PTPRN2: variants seen among roughly 807,000 people sequenced by gnomAD.
The protein encoded by PTPRN2 is receptor-type tyrosine-protein phosphatase N2.
A neutral mutation model predicts 118.8 loss-of-function variants in PTPRN2; 74 were observed. That is an observed-to-expected ratio of 0.62 (90% confidence interval 0.52 to 0.76). PTPRN2 has a LOEUF of 0.76. PTPRN2 is among the 30% of genes least tolerant of loss of function. The probability of loss-of-function intolerance (pLI) is 0.00; values close to 1 mark genes in which losing one functional copy is unlikely to be tolerated. For missense variants in PTPRN2, 1,481 were observed against 1,394.4 expected (o/e 1.06, Z -0.99); for synonymous variants, 641 against 608.0 (o/e 1.05, Z -0.80).
intron 6 of PTPRN2, among the ~76,000 whole-genome samples, chr7:158,142,944 C>T (rs552344687): frequency 1.3e-4 from 20 of 152,258 alleles, no homozygotes; most frequent in East Asian, 7.7e-4. Flanking sequence ...CCACAGCCCT[C>T]GGTGCTGTTT....
intron 4 of PTPRN2, among the ~76,000 whole-genome samples, chr7:158,197,557 T>A (rs1826304789): frequency 6.6e-6 from 1 of 152,232 alleles, no homozygotes; most frequent in African/African-American, 2.4e-5. Context: ...TTCTAGTGCC[T>A]TTTTGTATTA....
chr7:158,303,815 A>C, intron 3 of PTPRN2, among the ~76,000 whole-genome samples: 1 of 152,360 alleles, frequency 6.6e-6, no homozygotes, highest in East Asian at 1.9e-4. Context: ...AAGTTATTTT[A>C]ATATAACGTC....
chr7:158,294,623 G>C (rs938218293), intron 3 of PTPRN2, among the ~76,000 whole-genome samples: 2 of 152,164 alleles, frequency 1.3e-5, no homozygotes, highest in Non-Finnish European at 2.9e-5. Flanking sequence ...GAGAGGCAGG[G>C]CTGAGCCAGG....
At chr7:158,163,627 T>C (rs750127319) in intron 6 of PTPRN2, among the ~76,000 whole-genome samples, 12 of 149,828 alleles carry the variant, frequency 8.0e-5, no homozygotes. Flanking sequence ...TTCTCAATAT[T>C]CTCTGTATAT....
At chr7:157,856,051 A>T (rs1486975880) in intron 12 of PTPRN2, 1 of 152,202 alleles carries the variant, frequency 6.6e-6, no homozygotes, top group Non-Finnish European at 1.5e-5. Flanking sequence ...TTAACCGTGG[A>T]GTCTCCGTCC....
intron 12 of PTPRN2, among the ~76,000 whole-genome samples, chr7:157,753,984 TG>T (rs950666451): frequency 3.9e-5 from 6 of 152,202 alleles, no homozygotes; most frequent in African/African-American, 1.4e-4. Flanking sequence ...ACCCCATCCT[TG>T]GGAGGCCTTG....
intron 9 of PTPRN2, among the ~76,000 whole-genome samples, chr7:158,125,866 T>C (rs1428930771): frequency 1.3e-5 from 2 of 152,138 alleles, no homozygotes; most frequent in East Asian, 1.9e-4. Flanking sequence ...GCAGGAAGCA[T>C]CAGTCCGGAC....
intron 3 of PTPRN2, among the ~76,000 whole-genome samples, chr7:158,244,225 C>T (rs894754247): frequency 7.3e-6 from 1 of 136,660 alleles, no homozygotes; most frequent in African/African-American, 2.9e-5. Context: ...CAGCTAGCTC[C>T]TGCTTCTTCA....
At chr7:158,480,134 G>A (rs1820554168) in intron 2 of PTPRN2, among the ~76,000 whole-genome samples, 1 of 152,162 alleles carries the variant, frequency 6.6e-6, no homozygotes, top group South Asian at 2.1e-4. Flanking sequence ...CACGTCGCGG[G>A]GGTTGCGTCT....
At chr7:158,452,472 C>T (rs1818150272) in intron 2 of PTPRN2, among the ~76,000 whole-genome samples, 1 of 152,188 alleles carries the variant, frequency 6.6e-6, no homozygotes, top group South Asian at 2.1e-4. Flanking sequence ...CAAGGCCTTC[C>T]CCATTCTCCC....
intron 11 of PTPRN2, among the ~76,000 whole-genome samples, chr7:158,071,682 CTG>C (rs1811774345): frequency 2.5e-5 from 1 of 39,664 alleles, no homozygotes; most frequent in Non-Finnish European, 5.1e-5. Flanking sequence ...GGAGGTGCTC[CTG>C]GTGGAGGTGC....
At chr7:158,551,595 G>A (rs1826659774) in intron 1 of PTPRN2, among the ~76,000 whole-genome samples, 3 of 114,908 alleles carry the variant, frequency 2.6e-5, no homozygotes, top group East Asian at 3.7e-4. Context: ...GGGTTCTAAT[G>A]CATGCATTTG....
chr7:157,908,329 C>T (rs977293920), intron 11 of PTPRN2, among the ~76,000 whole-genome samples: 1 of 152,232 alleles, frequency 6.6e-6, no homozygotes, highest in Non-Finnish European at 1.5e-5. Context: ...TCTGTGGAAG[C>T]CACGTGTTGC....
chr7:158,374,554 T>G (rs1379189675), intron 2 of PTPRN2, among the ~76,000 whole-genome samples: 1 of 151,356 alleles, frequency 6.6e-6, no homozygotes, highest in Non-Finnish European at 1.5e-5. Flanking sequence ...CGCCAAAAAC[T>G]GAAGAAAGAA....
intron 1 of PTPRN2, among the ~76,000 whole-genome samples, chr7:158,513,981 C>T (rs1469988990): frequency 6.6e-6 from 1 of 152,026 alleles, no homozygotes; most frequent in Non-Finnish European, 1.5e-5. Context: ...ATTTTGAAGC[C>T]CTCTCACTAC....
rs1309405204 is a variant in PTPRN2 at position 157,861,349 on chromosome 7, A to C, written c.1788+37324T>G. 6.6e-6 allele frequency among the ~76,000 whole-genome samples: 1 copy of C among 152,236 alleles called. No individual in the cohort carries two copies. The highest frequency in any genetic ancestry group is 2.4e-5 in the African/African-American group (1 of 41,474). On this transcript the variant is annotated intron_variant, in intron 12 of 22. Coordinates refer to ENST00000389418, the MANE Select transcript of PTPRN2 (RefSeq NM_002847.5). This position sits in a 1 kb window ranked among gnomAD's most constrained non-coding sequence, Gnocchi z 5.8. ...AAGCACCTCCGGCTGGAGCTCGGCC[A>C]AGGAGCCCGGGTCCCTTCAGTCTGC...
intron 11 of PTPRN2, among the ~76,000 whole-genome samples, chr7:157,969,105 T>C (rs1802137675): frequency 6.7e-6 from 1 of 149,264 alleles, no homozygotes; most frequent in South Asian, 2.1e-4. Context: ...TCTTGCAATA[T>C]CCATGGCATC....
rs980296034 is a variant in PTPRN2, at chr7:158,144,996, G to A, written c.911-6481C>T. 1.4e-4 allele frequency among the ~76,000 whole-genome samples: 21 copies of A among 151,552 alleles called. 1 individual carries two copies. The highest frequency in any genetic ancestry group is 2.1e-4 in the Non-Finnish European group (14 of 67,958). ...AGAAGGTTCCAGAATACCACGGCTC[G>A]GCAAGACTTCCCTCACATCATCGCG... On this transcript the variant is annotated intron_variant, in intron 6 of 22. Transcript: ENST00000389418.
At chr7:157,542,057 C>T (rs1004395842) in intron 22 of PTPRN2, among the ~76,000 whole-genome samples, 3 of 152,198 alleles carry the variant, frequency 2.0e-5, no homozygotes, top group African/African-American at 7.2e-5. Context: ...GCCTGCGCCC[C>T]GTCTCTCTCC....
Sources: allele counts gnomAD v4.1 joint callset (sites outside exome capture counted in the v4.1 genomes callset), GRCh38; gene constraint gnomAD v4.1.1; non-coding constraint Gnocchi (gnomAD v3.1); transcripts MANE v1.5; gene names NCBI Gene and HGNC (gene_info 2026-07-23, HGNC 2026-07-21).